Variants in FBXW4 observed in about 807,000 individuals in gnomAD.
The protein encoded by FBXW4 is F-box/WD repeat-containing protein 4.
In FBXW4, 40 loss-of-function variants were observed where a neutral mutation model predicts 61.8. That is an observed-to-expected ratio of 0.65 (90% confidence interval 0.50 to 0.84). The LOEUF is 0.84. FBXW4 is among the 40% of genes least tolerant of loss of function. FBXW4 has a pLI of 0.00. For synonymous variants in FBXW4, 311 were observed against 313.8 expected, an observed-to-expected ratio of 0.99 and a Z score of 0.10; for missense variants, 672 against 753.8, an observed-to-expected ratio of 0.89 and a Z score of 1.27.
intron 4 of FBXW4, among the ~76,000 whole-genome samples, chr10:101,668,795 T>G (rs1237628374): frequency 1.3e-5 from 2 of 152,026 alleles, no homozygotes; most frequent in Non-Finnish European, 2.9e-5. Flanking sequence ...CCCCCCTCAC[T>G]TCACCCTACC....
intron 5 of FBXW4, among the ~76,000 whole-genome samples, chr10:101,640,675 T>TA (rs1554928616): frequency 1.3e-5 from 2 of 149,534 alleles, no homozygotes; most frequent in Non-Finnish European, 3.0e-5. Flanking sequence ...TTTTTTTTTT[T>TA]AAGTAGAGAT....
intron 6 of FBXW4, among the ~76,000 whole-genome samples, chr10:101,620,088 C>T (rs539592322): frequency 4.6e-5 from 7 of 152,290 alleles, no homozygotes; most frequent in Admixed American, 4.6e-4. Context: ...AGCCCCAGCA[C>T]ATACATAAAA....
chr10:101,651,933 G>C (rs2134861370), intron 5 of FBXW4, among the ~76,000 whole-genome samples: 1 of 152,192 alleles, frequency 6.6e-6, no homozygotes, highest in African/African-American at 2.4e-5. Context: ...ATCACCTCTA[G>C]TTATTAAGGT....
chr10:101,662,117 A>G (rs1354723347), intron 5 of FBXW4, among the ~76,000 whole-genome samples: 1 of 152,178 alleles, frequency 6.6e-6, no homozygotes, highest in East Asian at 1.9e-4. Context: ...TCCTTTTCCA[A>G]TCTTTCAAAC....
intron 4 of FBXW4, among the ~76,000 whole-genome samples, chr10:101,672,691 C>G (rs1278585035): frequency 6.6e-6 from 1 of 152,158 alleles, no homozygotes; most frequent in Non-Finnish European, 1.5e-5. Context: ...AAGTGAGTGG[C>G]AACCTTCCCA....
chr10:101,643,730 C>G (rs1006118695), intron 5 of FBXW4, among the ~76,000 whole-genome samples: 3 of 152,282 alleles, frequency 2.0e-5, no homozygotes, highest in Non-Finnish European at 2.9e-5. Flanking sequence ...AGTCTCTGTC[C>G]CTCCCTCTTC....
chr10:101,614,617 G>A (rs2063812532), intron 6 of FBXW4, among the ~76,000 whole-genome samples: 1 of 152,210 alleles, frequency 6.6e-6, no homozygotes, highest in African/African-American at 2.4e-5. Context: ...GCCTGGCAGG[G>A]GCTGAGAAGT....
At chr10:101,669,549 G>A (rs748932721) in intron 4 of FBXW4, among the ~76,000 whole-genome samples, 1 of 152,182 alleles carries the variant, frequency 6.6e-6, no homozygotes, top group Non-Finnish European at 1.5e-5. Flanking sequence ...CTCCAGGAGC[G>A]GCTGAGGAAG....
intron 5 of FBXW4, among the ~76,000 whole-genome samples, chr10:101,664,060 G>A (rs778660981): frequency 2.6e-5 from 4 of 152,128 alleles, no homozygotes; most frequent in African/African-American, 4.8e-5. Context: ...CACATAACCA[G>A]TACTAAATAT....
At chr10:101,684,856 C>G (rs2064518252) in intron 1 of FBXW4, among the ~76,000 whole-genome samples, 1 of 152,172 alleles carries the variant, frequency 6.6e-6, no homozygotes, top group South Asian at 2.1e-4. Flanking sequence ...GGCCAAGGAA[C>G]AGAGAATAGC....
Position 101,612,443 on chromosome 10 carries a change from G to A in FBXW4, c.1336C>T (p.Pro446Ser). The A allele has an allele frequency of 6.3e-7, 1 of 1,593,054 alleles. No homozygotes were observed. The highest frequency in any genetic ancestry group is 2.3e-5 in the East Asian group (1 of 43,710). Residue 446 changes from proline to serine, a missense_variant, in exon 7 of 9, where the codon CCC becomes TCC. By Grantham distance (74) the Pro-to-Ser change is moderately conservative. Coordinates refer to ENST00000331272, the MANE Select transcript of FBXW4 (RefSeq NM_022039.4). The stretch of plus-strand genomic sequence containing the variant: ...ACATCCAGCACCCCAGCCCCTGGGG[G>A]AAAGTCACTGCCCAAGTGTGTCATC... ...QLMTHLGSDF[P>S]PGAGVLDVMY...
intron 5 of FBXW4, among the ~76,000 whole-genome samples, chr10:101,636,575 T>C (rs2064003511): frequency 1.3e-5 from 2 of 150,762 alleles, no homozygotes; most frequent in Non-Finnish European, 3.0e-5. Flanking sequence ...GATAATGGTA[T>C]TATGATTACT....
chr10:101,615,425 A>G (rs750032196), intron 6 of FBXW4, among the ~76,000 whole-genome samples: 7 of 152,042 alleles, frequency 4.6e-5, no homozygotes, highest in Non-Finnish European at 8.8e-5. Context: ...CTCTCCACCC[A>G]GGGAAACATA....
chr10:101,635,943 T>C (rs2063998166), intron 5 of FBXW4, among the ~76,000 whole-genome samples: 1 of 151,780 alleles, frequency 6.6e-6, no homozygotes, highest in Non-Finnish European at 1.5e-5. Flanking sequence ...GGAAGAGCGA[T>C]CTTATAAATC....
At chr10:101,670,227 C>A (rs1564921579) in intron 4 of FBXW4, among the ~76,000 whole-genome samples, 1 of 152,186 alleles carries the variant, frequency 6.6e-6, no homozygotes, top group Non-Finnish European at 1.5e-5. Context: ...CTGCAGCATG[C>A]AATTGCAGAG....
rs2064456274 is a variant in FBXW4 at position 101,679,991 on chromosome 10, G to A, written c.726-3555C>T. Among the ~76,000 whole-genome samples, 3 of 152,052 alleles carry A rather than the reference G, an allele frequency of 2.0e-5. No individual in the cohort carries two copies. The South Asian group carries it at 6.2e-4, about 31-fold the overall frequency. The stretch of plus-strand genomic sequence containing the variant: ...TTATAAGTGAGAACATGTAGTATTT[G>A]GTTTTCACTCCTGCATTACTTCATT... On this transcript the variant is annotated intron_variant, in intron 1 of 8. Transcript: ENST00000331272.
intron 5 of FBXW4, among the ~76,000 whole-genome samples, chr10:101,664,843 A>T (rs1366114351): frequency 6.6e-6 from 1 of 152,226 alleles, no homozygotes; most frequent in Non-Finnish European, 1.5e-5. Context: ...CACATATATT[A>T]CAGCCCTTTT....
chr10:101,650,896 G>C (rs745510225), intron 5 of FBXW4, among the ~76,000 whole-genome samples: 3 of 152,200 alleles, frequency 2.0e-5, no homozygotes, highest in Non-Finnish European at 4.4e-5. Flanking sequence ...TCGGGCTCTC[G>C]AGAGACGCGG....
intron 1 of FBXW4, among the ~76,000 whole-genome samples, chr10:101,691,300 T>C (rs1589786658): frequency 6.6e-6 from 1 of 152,168 alleles, no homozygotes; most frequent in African/African-American, 2.4e-5. Flanking sequence ...CAGTGGCTTA[T>C]TAAGTCTCTG....
Sources: allele counts gnomAD v4.1 joint callset (sites outside exome capture counted in the v4.1 genomes callset), GRCh38; gene constraint gnomAD v4.1.1; transcripts MANE v1.5; gene names NCBI Gene and HGNC (gene_info 2026-07-23, HGNC 2026-07-21).